SHANK2: variants seen among roughly 807,000 people sequenced by gnomAD.
SHANK2 encodes SH3 and multiple ankyrin repeat domains 2, also known as SH3 and multiple ankyrin repeat domains protein 2.
A neutral mutation model predicts 133.7 loss-of-function variants in SHANK2; 43 were observed. That is an observed-to-expected ratio of 0.32 (90% CI 0.25 to 0.41). SHANK2 has a LOEUF of 0.41. Among genes scored for constraint, SHANK2 ranks in the 10% least tolerant of loss-of-function variants. The pLI is 1.00. For synonymous variants in SHANK2, 1,017 were observed against 952.8 expected (o/e 1.07, Z -1.24); for missense variants, 1,994 against 2,235.8 (o/e 0.89, Z 2.18).
At chr11:71,249,724 C>T (rs1389570851) in intron 1 of SHANK2, among the ~76,000 whole-genome samples, 5 of 152,184 alleles carry the variant, frequency 3.3e-5, no homozygotes, top group African/African-American at 9.7e-5. Flanking sequence ...AACTCTGTTA[C>T]GTATTTGGAA....
At chr11:70,632,265 G>C (rs2134093550) in intron 17 of SHANK2, among the ~76,000 whole-genome samples, 1 of 152,076 alleles carries the variant, frequency 6.6e-6, no homozygotes, top group African/African-American at 2.4e-5. Flanking sequence ...GGGACTACAG[G>C]TGCCCACCAT....
intron 17 of SHANK2, among the ~76,000 whole-genome samples, chr11:70,552,973 C>T (rs781955358): frequency 3.3e-5 from 5 of 152,112 alleles, no homozygotes; most frequent in African/African-American, 1.2e-4. Context: ...CTTGGATGGC[C>T]GCCTTCCCCC....
At chr11:71,086,330 A>T (rs1278770888) in intron 8 of SHANK2, among the ~76,000 whole-genome samples, 1 of 120,898 alleles carries the variant, frequency 8.3e-6, no homozygotes, top group Non-Finnish European at 1.6e-5. Context: ...GTTATATTAT[A>T]TATGTTATAT....
At chr11:71,164,979 A>C (rs188850735) in intron 2 of SHANK2, among the ~76,000 whole-genome samples, 1,524 of 151,534 alleles carry the variant, frequency 0.01, 12 homozygotes, top group Middle Eastern at 0.017. Context: ...CTATTATTCC[A>C]ATGTTTGTGG....
rs1011713109 is a variant in SHANK2, at chr11:70,829,296, T to C, written c.1175-8614A>G. On this transcript the variant is annotated intron_variant, in intron 11 of 25. Transcript: ENST00000601538. ...CTGGACGGGAGCCACGCAGCAGCAC[T>C]CACAGCTGGCCCAGAAAGGACCCTC... Among the ~76,000 whole-genome samples the C allele has an allele frequency of 2.0e-5, 3 of 152,088 alleles. No homozygotes were observed. The South Asian group carries it at 6.2e-4, about 32-fold the overall frequency.
At chr11:70,533,292 G>A (rs1469812079) in intron 17 of SHANK2, among the ~76,000 whole-genome samples, 5 of 152,142 alleles carry the variant, frequency 3.3e-5, no homozygotes, top group Non-Finnish European at 7.3e-5. Flanking sequence ...GTCTTGCTGT[G>A]TTGTCTAGGC....
intron 1 of SHANK2, among the ~76,000 whole-genome samples, chr11:71,245,410 T>C (rs1163516397): frequency 6.6e-6 from 1 of 152,252 alleles, no homozygotes; most frequent in Non-Finnish European, 1.5e-5. Context: ...TCTAATAGCG[T>C]AAATAACAAT....
At position 70,473,947 on chromosome 11, in the gene SHANK2, G is replaced by A. The variant is rs782544119; in HGVS notation, c.4980-508C>T. On this transcript the variant is annotated intron_variant, in intron 25 of 25. Coordinates refer to ENST00000601538, the MANE Select transcript of SHANK2 (RefSeq NM_012309.5). This position sits in a 1 kb window ranked among gnomAD's most constrained non-coding sequence, Gnocchi z 5.9. ...GCAGGTGGGAAGGAGCACACCTGGAGGACAGGCCCCTCAGCCGCCTGGCAG... is the reference window on the plus strand; with the variant it reads ...GCAGGTGGGAAGGAGCACACCTGGAAGACAGGCCCCTCAGCCGCCTGGCAG... The A allele has an allele frequency of 1.3e-5, 3 of 225,240 alleles. No individual in the cohort carries two copies. The highest frequency in any genetic ancestry group is 2.7e-5 in the Non-Finnish European group (3 of 109,788). 14.0% of individuals were successfully genotyped at this position (225,240 alleles called of 1,614,324 possible).
intron 14 of SHANK2, among the ~76,000 whole-genome samples, chr11:70,759,218 G>A (rs1270161693): frequency 6.6e-6 from 1 of 151,642 alleles, no homozygotes; most frequent in Non-Finnish European, 1.5e-5. Context: ...TTCTGGCCGG[G>A]CACAGTGGCT....
chr11:71,227,994 C>A (rs931289967), intron 1 of SHANK2, among the ~76,000 whole-genome samples: 2 of 151,424 alleles, frequency 1.3e-5, no homozygotes, highest in Non-Finnish European at 2.9e-5. Flanking sequence ...AAAGTCAATG[C>A]AATTGACAAA....
At position 70,485,532 on chromosome 11, in the gene SHANK2, G is replaced by C; in HGVS notation, c.4761C>G (p.Gly1587=). 1 of 1,613,108 alleles carries C rather than the reference G, an allele frequency of 6.2e-7. No individual in the cohort carries two copies. Among genetic ancestry groups the C allele is most frequent in the Non-Finnish European group, 8.5e-7 (1 of 1,180,032 alleles). The change falls in exon 25 of 26, where the codon GGC becomes GGG. Residue 1587 remains glycine (G), a synonymous_variant. Transcript: ENST00000601538. This position sits in a 1 kb window ranked among gnomAD's most constrained non-coding sequence, Gnocchi z 5.8. The part of the protein sequence containing the change: ...IPPPAPPPPP[G]SAQPGMAKVL... The stretch of plus-strand genomic sequence containing the variant: ...CCTTGGCCATCCCAGGCTGGGCACT[G>C]CCCGGCGGGGGCGGGGGAGCGGGCG...
At chr11:70,518,421 C>T (rs889071734) in intron 17 of SHANK2, among the ~76,000 whole-genome samples, 16 of 152,324 alleles carry the variant, frequency 1.1e-4, no homozygotes, top group African/African-American at 3.8e-4. Context: ...GACTGCATTC[C>T]TGGTATCATG....
At chr11:70,948,094 G>A (rs1197739162) in intron 10 of SHANK2, among the ~76,000 whole-genome samples, 1 of 151,506 alleles carries the variant, frequency 6.6e-6, no homozygotes, top group African/African-American at 2.4e-5. Context: ...CTTTCCCTCT[G>A]ACATCCTGAG....
intron 1 of SHANK2, among the ~76,000 whole-genome samples, chr11:71,244,437 C>T (rs188251542): frequency 3.0e-4 from 46 of 152,170 alleles, no homozygotes; most frequent in African/African-American, 9.7e-4. Context: ...GCGGATCACA[C>T]GCTCCTCCCA....
At chr11:71,185,487 A>G (rs1283316325) in intron 2 of SHANK2, among the ~76,000 whole-genome samples, 1 of 152,174 alleles carries the variant, frequency 6.6e-6, no homozygotes, top group Non-Finnish European at 1.5e-5. Flanking sequence ...GTGAAAACTC[A>G]AGGTTCCACC....
At chr11:70,702,381 A>G (rs1315886229) in intron 14 of SHANK2, among the ~76,000 whole-genome samples, 1 of 150,910 alleles carries the variant, frequency 6.6e-6, no homozygotes, top group Non-Finnish European at 1.5e-5. Flanking sequence ...CACCAACACC[A>G]CCACCATCAT....
rs1948197472 is a variant in SHANK2, at chr11:71,252,234, T to C, written c.-113+191A>G. Among the ~76,000 whole-genome samples the C allele has an allele frequency of 6.6e-6, 1 of 151,920 alleles. No homozygotes were observed. Among genetic ancestry groups the C allele is most frequent in the Admixed American group, 6.5e-5 (1 of 15,272 alleles). On this transcript the variant is annotated intron_variant, in intron 1 of 25. Transcript: ENST00000601538. The surrounding 1 kb of genome is among the most constrained non-coding windows in gnomAD (Gnocchi z 6.3). ...TCTCTACGGAAAATCGACCCCCACC[T>C]GGACACGCGGCTCACTCCCCCCAGC...
chr11:70,954,607 A>G (rs906254613), intron 10 of SHANK2, among the ~76,000 whole-genome samples: 3 of 152,182 alleles, frequency 2.0e-5, no homozygotes, highest in African/African-American at 7.2e-5. Flanking sequence ...TCCCCCAGTG[A>G]ATGCACTGGG....
At chr11:70,764,548 T>C in intron 14 of SHANK2, among the ~76,000 whole-genome samples, 1 of 142,276 alleles carries the variant, frequency 7.0e-6, no homozygotes, top group Non-Finnish European at 1.5e-5. Context: ...CACCCACCCA[T>C]CCATCCACCT....
Sources: gnomAD v4.1 joint callset for allele counts (sites outside exome capture counted in the v4.1 genomes callset) on GRCh38, gnomAD v4.1.1 for gene constraint, Gnocchi (gnomAD v3.1) non-coding constraint, MANE v1.5 for transcripts, NCBI Gene and HGNC (gene_info 2026-07-23, HGNC 2026-07-21) for gene names.